Variants in C8orf34 observed in about 807,000 individuals in gnomAD.
The protein encoded by C8orf34 is uncharacterized protein C8orf34.
C8orf34 carries 65 observed loss-of-function variants against 68.3 expected under a neutral mutation model. The observed-to-expected ratio is 0.95, with a 90% CI of 0.78 to 1.17. C8orf34 has a LOEUF of 1.17. Ranked by LOEUF, C8orf34 falls within the 50% of genes most tolerant of loss-of-function variation. The probability of loss-of-function intolerance (pLI) is 0.00; values close to 1 mark genes in which losing one functional copy is unlikely to be tolerated. For missense variants in C8orf34, 664 were observed against 655.4 expected, an observed-to-expected ratio of 1.01 and a Z score of -0.14; for synonymous variants, 244 against 241.2, an observed-to-expected ratio of 1.01 and a Z score of -0.11.
chr8:68,615,233 A>G (rs1374679372), intron 7 of C8orf34, among the ~76,000 whole-genome samples: 11 of 150,504 alleles, frequency 7.3e-5, no homozygotes, highest in African/African-American at 2.7e-4. Context: ...TGTCATCTGC[A>G]AACAGGGACA....
chr8:68,372,205 G>T (rs555356720), intron 1 of C8orf34, among the ~76,000 whole-genome samples: 1 of 152,200 alleles, frequency 6.6e-6, no homozygotes, highest in South Asian at 2.1e-4. Flanking sequence ...AACCACATTT[G>T]GTAGTTCAAA....
intron 10 of C8orf34, among the ~76,000 whole-genome samples, chr8:68,761,810 A>G (rs1171296093): frequency 6.6e-6 from 1 of 152,222 alleles, no homozygotes; most frequent in Non-Finnish European, 1.5e-5. Context: ...AGTTGTAGTC[A>G]GCTAAAATTC....
intron 10 of C8orf34, among the ~76,000 whole-genome samples, chr8:68,754,891 G>A (rs1174698239): frequency 1.3e-5 from 2 of 152,106 alleles, no homozygotes; most frequent in South Asian, 2.1e-4. Flanking sequence ...ACATAGGATA[G>A]ACACATTGGA....
At chr8:68,451,173 T>G (rs915902729) in intron 3 of C8orf34, among the ~76,000 whole-genome samples, 1 of 152,072 alleles carries the variant, frequency 6.6e-6, no homozygotes, top group Non-Finnish European at 1.5e-5. Context: ...ATTCCTCAGC[T>G]TTCGTGGAAT....
chr8:68,744,734 T>C (rs1210734767), intron 10 of C8orf34, among the ~76,000 whole-genome samples: 40 of 152,216 alleles, frequency 2.6e-4, no homozygotes, highest in Non-Finnish European at 5.3e-4. Context: ...TGGGACTATG[T>C]GAAAAGACCA....
At chr8:68,395,789 A>G (rs1391922083) in intron 1 of C8orf34, among the ~76,000 whole-genome samples, 2 of 152,102 alleles carry the variant, frequency 1.3e-5, no homozygotes, top group Admixed American at 1.3e-4. Flanking sequence ...GCCAAGTAGG[A>G]AACGAAATCA....
rs375657046 is a variant in C8orf34 at position 68,340,937 on chromosome 8, CAACA to C, written c.327+9606_327+9609del. ...CAAACAGAATTCAGAAATAAAAAAA[CAACA>C]AACAAACTTATGCACTATGACCAAG... On this transcript the variant is annotated intron_variant, in intron 1 of 13. Coordinates refer to ENST00000518698, the MANE Select transcript of C8orf34 (RefSeq NM_052958.4). Among the ~76,000 whole-genome samples the C allele has an allele frequency of 1.2e-3, 190 of 152,120 alleles. 2 individuals carry two copies. Among genetic ancestry groups the C allele is most frequent in the African/African-American group, 4.5e-3 (187 of 41,524 alleles).
At chr8:68,408,646 A>C (rs1372820378) in intron 1 of C8orf34, among the ~76,000 whole-genome samples, 1 of 152,176 alleles carries the variant, frequency 6.6e-6, no homozygotes, top group Admixed American at 6.6e-5. Context: ...GTCATGATGA[A>C]CTGCACATAT....
chr8:68,730,817 T>C (rs1257936967), intron 10 of C8orf34, among the ~76,000 whole-genome samples: 1 of 152,104 alleles, frequency 6.6e-6, no homozygotes, highest in Non-Finnish European at 1.5e-5. Flanking sequence ...ATAATTAATT[T>C]CTAGGCAAAT....
chr8:68,730,583 C>T (rs539392800), intron 10 of C8orf34, among the ~76,000 whole-genome samples: 6 of 152,074 alleles, frequency 3.9e-5, no homozygotes, highest in African/African-American at 7.2e-5. Context: ...CTAAATGTTA[C>T]ATTTGCATAG....
chr8:68,337,914 T>G lies in C8orf34; in HGVS notation c.327+6575T>G, dbSNP rs939557475. ...TATTTAAACAATAAATGCACAAGAG[T>G]GCTGGAACATAAGAAAGAGTGCTGA... On this transcript the variant is annotated intron_variant, in intron 1 of 13. Transcript: ENST00000518698. 2.6e-5 allele frequency among the ~76,000 whole-genome samples: 4 copies of G among 152,070 alleles called. No individual in the cohort carries two copies. In the East Asian group the frequency reaches 7.7e-4, roughly 29 times the overall value.
intron 10 of C8orf34, among the ~76,000 whole-genome samples, chr8:68,770,207 A>G (rs1378311034): frequency 6.6e-6 from 1 of 152,198 alleles, no homozygotes; most frequent in East Asian, 1.9e-4. Context: ...ATAAAACACA[A>G]CCCTCTGGTT....
chr8:68,577,053 A>C (rs1252694645), intron 7 of C8orf34, among the ~76,000 whole-genome samples: 1 of 151,924 alleles, frequency 6.6e-6, no homozygotes, highest in Non-Finnish European at 1.5e-5. Context: ...CTCCTCCTCA[A>C]AGTGTGCTTT....
chr8:68,332,628 C>A (rs1399877422), intron 1 of C8orf34, among the ~76,000 whole-genome samples: 1 of 152,024 alleles, frequency 6.6e-6, no homozygotes, highest in Non-Finnish European at 1.5e-5. Flanking sequence ...GCGCGGAGGA[C>A]AAAGGTGTGG....
intron 7 of C8orf34, among the ~76,000 whole-genome samples, chr8:68,632,441 G>A (rs1051323026): frequency 2.0e-5 from 3 of 152,118 alleles, no homozygotes; most frequent in Admixed American, 6.6e-5. Context: ...GAAGCAGACC[G>A]TAAAAGTTTG....
chr8:68,345,356 T>G (rs1465534105), intron 1 of C8orf34, among the ~76,000 whole-genome samples: 1 of 151,928 alleles, frequency 6.6e-6, no homozygotes, highest in African/African-American at 2.4e-5. Context: ...ATATAAGTAC[T>G]CCATGATATA....
At chr8:68,723,371 C>T (rs1427856029) in intron 10 of C8orf34, among the ~76,000 whole-genome samples, 1 of 152,094 alleles carries the variant, frequency 6.6e-6, no homozygotes. Context: ...CAAAAAATTT[C>T]AGTACCTTGA....
intron 1 of C8orf34, among the ~76,000 whole-genome samples, chr8:68,421,066 A>G (rs1296477032): frequency 2.0e-5 from 3 of 152,182 alleles, no homozygotes; most frequent in Admixed American, 2.0e-4. Flanking sequence ...AAAGCCTAAT[A>G]AGCCATAAGT....
At chr8:68,693,773 T>C (rs1820748664) in intron 8 of C8orf34, among the ~76,000 whole-genome samples, 1 of 152,104 alleles carries the variant, frequency 6.6e-6, no homozygotes, top group Non-Finnish European at 1.5e-5. Context: ...CATCTAACAG[T>C]GACCCAGTTC....
Sources: gnomAD v4.1 joint callset for allele counts (sites outside exome capture counted in the v4.1 genomes callset) on GRCh38, gnomAD v4.1.1 for gene constraint, MANE v1.5 for transcripts, NCBI Gene and HGNC (gene_info 2026-07-23, HGNC 2026-07-21) for gene names.